Variants in MSN observed in about 807,000 individuals in gnomAD.
MSN encodes epididymis luminal protein 70.
In MSN, 2 loss-of-function variants were observed where a neutral mutation model predicts 48.0. The ratio of observed to expected loss-of-function variants is 0.04; its 90% CI spans 0.02 to 0.13. MSN has a LOEUF of 0.13. Ranked by LOEUF, MSN falls within the 10% of genes least tolerant of loss-of-function variation. MSN has a pLI of 1.00. For missense variants in MSN, 267 were observed against 470.1 expected (o/e 0.57, Z 3.99); for synonymous variants, 146 against 166.9 (o/e 0.87, Z 0.97).
At chrX:65,735,668 GA>G (rs1215424404) in intron 8 of MSN, among the ~76,000 whole-genome samples, 1 of 112,571 alleles carries the variant, frequency 8.9e-6, no homozygotes, top group African/African-American at 3.2e-5. Flanking sequence ...TCTAGTAGCA[GA>G]GAGAGGGAAA....
At chrX:65,736,230 A>G (rs981827356) in intron 8 of MSN, among the ~76,000 whole-genome samples, 1 of 111,304 alleles carries the variant, frequency 9.0e-6, no homozygotes, top group Admixed American at 9.5e-5. Context: ...GACATAGCTA[A>G]GGTCACCCAG....
rs138936835 is a variant in MSN, at chrX:65,687,721, G to A, written c.12+19868G>A. Among the ~76,000 whole-genome samples the A allele has an allele frequency of 4.2e-3, 464 of 111,690 alleles. 2 individuals carry two copies. Among genetic ancestry groups the A allele is most frequent in the Non-Finnish European group, 6.5e-3 (347 of 53,135 alleles). On this transcript the variant is annotated intron_variant, in intron 1 of 12. Transcript: ENST00000360270. ...TAGAGGCAGCATATTTATGAGAATCGGATTAGAAAGGAGGCAATCCTTCAA... is the reference window on the plus strand; with the variant it reads ...TAGAGGCAGCATATTTATGAGAATCAGATTAGAAAGGAGGCAATCCTTCAA...
rs199571514 is a variant in MSN, at chrX:65,710,562, CAAATAA to C, written c.13-6235_13-6230del. Among the ~76,000 whole-genome samples, 316 of 110,593 alleles carry C rather than the reference CAAATAA, an allele frequency of 2.9e-3. 2 individuals are homozygous for C. The highest frequency in any genetic ancestry group is 9.0e-3 in the African/African-American group (274 of 30,389). On this transcript the variant is annotated intron_variant, in intron 1 of 12. Transcript: ENST00000360270. Reference sequence around the variant, plus strand: ...GCCATTTGTTCAATTATAATGTAGGCAAATAAAAATAAAAATAAAAATAAAATAAAG... The same window carrying C: ...GCCATTTGTTCAATTATAATGTAGGCAAATAAAAATAAAAATAAAATAAAG...
intron 1 of MSN, among the ~76,000 whole-genome samples, chrX:65,622,567 A>C (rs1475182890): frequency 1.2e-5 from 1 of 85,840 alleles, no homozygotes; most frequent in African/African-American, 4.7e-5. Flanking sequence ...CCCATGCTGG[A>C]GTGCAGTGGC....
chrX:65,638,259 A>C (rs1239722356), intron 1 of MSN, among the ~76,000 whole-genome samples: 1 of 112,390 alleles, frequency 8.9e-6, no homozygotes, highest in Non-Finnish European at 1.9e-5. Flanking sequence ...CCCTCTGCCT[A>C]GAATGAATTC....
chrX:65,605,062 G>C (rs2070267752), intron 1 of MSN, among the ~76,000 whole-genome samples: 1 of 112,639 alleles, frequency 8.9e-6, no homozygotes, highest in South Asian at 3.6e-4. Context: ...CTGGGCTCCA[G>C]ATTAATGTTT....
intron 1 of MSN, chrX:65,625,128 G>A (rs1301364998): frequency 8.9e-6 from 1 of 112,560 alleles, no homozygotes; most frequent in African/African-American, 3.2e-5. Flanking sequence ...GCATGTGGTC[G>A]AGGAAGATAC....
At position 65,662,382 on chromosome X, in the gene MSN, T is replaced by C. The variant is rs146959356; in HGVS notation, c.-21-54436T>C. Among the ~76,000 whole-genome samples, 844 of 111,893 alleles carry C rather than the reference T, an allele frequency of 7.5e-3. 8 individuals carry two copies. The highest frequency in any genetic ancestry group is 0.027 in the African/African-American group (816 of 30,787). On this transcript the variant is annotated intron_variant, in intron 1 of 3. Transcript: ENST00000609672. The stretch of plus-strand genomic sequence containing the variant: ...GGCATCACACTACACAACATCAAAC[T>C]ATACTATAAAGCTATCAAGACCAAA...
chrX:65,646,673 T>A (rs1188737686), intron 1 of MSN, among the ~76,000 whole-genome samples: 4 of 112,160 alleles, frequency 3.6e-5, no homozygotes, highest in African/African-American at 1.3e-4. Context: ...TGGCCGGGCG[T>A]GGTGGCTCAC....
At chrX:65,688,516 C>T (rs891709074) in intron 1 of MSN, among the ~76,000 whole-genome samples, 7 of 111,762 alleles carry the variant, frequency 6.3e-5, no homozygotes, top group Non-Finnish European at 1.1e-4. Context: ...CGACTATGCA[C>T]GGGGTGGAGT....
upstream of MSN, among the ~76,000 whole-genome samples, chrX:65,663,935 C>CTAT (rs2070845137): frequency 9.2e-6 from 1 of 108,730 alleles, no homozygotes; most frequent in Non-Finnish European, 1.9e-5. Context: ...TGGCGGGTGC[C>CTAT]TATAGTCCCA....
intron 2 of MSN, among the ~76,000 whole-genome samples, chrX:65,723,540 T>C (rs1383740718): frequency 8.9e-6 from 1 of 111,772 alleles, no homozygotes; most frequent in East Asian, 2.8e-4. Context: ...ATAGGACCAT[T>C]TCTCAGAGTG....
chrX:65,690,506 C>A (rs1362189688), intron 1 of MSN, among the ~76,000 whole-genome samples: 1 of 111,531 alleles, frequency 9.0e-6, no homozygotes, highest in Non-Finnish European at 1.9e-5. Flanking sequence ...ACCGTCTGGG[C>A]GTGAGCAGAC....
intron 1 of MSN, among the ~76,000 whole-genome samples, chrX:65,653,373 C>G (rs933828481): frequency 1.8e-5 from 2 of 110,499 alleles, no homozygotes; most frequent in Non-Finnish European, 3.8e-5. Flanking sequence ...TAAACCAATG[C>G]CTTTGGTGTA....
At chrX:65,618,171 G>C (rs1198116575) in intron 1 of MSN, among the ~76,000 whole-genome samples, 1 of 111,739 alleles carries the variant, frequency 8.9e-6, no homozygotes, top group Non-Finnish European at 1.9e-5. Flanking sequence ...TGCTGACAAA[G>C]ATATATATGC....
At chrX:65,656,265 C>CTGTGTGTGTG (rs3087113) in intron 1 of MSN, among the ~76,000 whole-genome samples, 58 of 92,841 alleles carry the variant, frequency 6.2e-4, no homozygotes, top group African/African-American at 2.1e-3. Flanking sequence ...AGATCTATGC[C>CTGTGTGTGTG]TGTGTGTGTG....
intron 1 of MSN, among the ~76,000 whole-genome samples, chrX:65,712,844 C>CT (rs908604485): frequency 2.4e-4 from 27 of 111,149 alleles, no homozygotes; most frequent in Non-Finnish European, 4.0e-4. Context: ...AAAAATCAAT[C>CT]TTTTTTTTCT....
intron 1 of MSN, among the ~76,000 whole-genome samples, chrX:65,662,405 A>G (rs1341224370): frequency 8.9e-6 from 1 of 112,413 alleles, no homozygotes; most frequent in African/African-American, 3.2e-5. Flanking sequence ...TATCAAGACC[A>G]AAACAGCATG....
chrX:65,594,079 G>A lies in MSN; in HGVS notation c.-22+5467G>A, dbSNP rs765368940. Among the ~76,000 whole-genome samples the A allele has an allele frequency of 3.6e-5, 4 of 111,741 alleles. No homozygotes were observed. The East Asian group carries it at 8.4e-4, about 24-fold the overall frequency. ...TTTCCGTTTAAGGAACACTGAGAGA[G>A]GATCAGAATTATGGCAAAACATCAA... On this transcript the variant is annotated intron_variant, in intron 1 of 3. Transcript: ENST00000609672.
Sources: allele counts gnomAD v4.1 joint callset (sites outside exome capture counted in the v4.1 genomes callset), GRCh38; gene constraint gnomAD v4.1.1; transcripts MANE v1.5; gene names NCBI Gene and HGNC (gene_info 2026-07-23, HGNC 2026-07-21).